Variants in CCDC3 observed in about 807,000 individuals in gnomAD.
CCDC3 encodes coiled-coil domain-containing protein 3.
A neutral mutation model predicts 21.4 loss-of-function variants in CCDC3; 24 were observed. The observed-to-expected ratio is 1.12, with a 90% confidence interval of 0.81 to 1.58. CCDC3 has a LOEUF of 1.58. CCDC3 is among the 40% of genes most tolerant of loss of function. CCDC3 has a pLI of 0.00. For missense variants in CCDC3, 425 were observed against 360.9 expected (o/e 1.18, Z -1.44); for synonymous variants, 186 against 166.0 (o/e 1.12, Z -0.93).
chr10:12,941,325 T>C (rs966009483), intron 2 of CCDC3, among the ~76,000 whole-genome samples: 2 of 152,182 alleles, frequency 1.3e-5, no homozygotes, highest in Non-Finnish European at 2.9e-5. Flanking sequence ...GAAGTAACCA[T>C]AAAAATGGGC....
chr10:13,073,251 C>A (rs1362373153), intron 4 of CCDC3, among the ~76,000 whole-genome samples: 2 of 152,138 alleles, frequency 1.3e-5, no homozygotes, highest in Non-Finnish European at 1.5e-5. Flanking sequence ...ATGGTAGATT[C>A]TTAGTCTTCT....
intron 2 of CCDC3, among the ~76,000 whole-genome samples, chr10:12,930,554 G>A (rs1246391903): frequency 6.6e-6 from 1 of 152,212 alleles, no homozygotes; most frequent in African/African-American, 2.4e-5. Context: ...ATTGACAACT[G>A]TGCTAGCAAA....
At chr10:13,017,527 A>AAAAAAAG (rs1554761885) in intron 5 of CCDC3, among the ~76,000 whole-genome samples, 22 of 148,508 alleles carry the variant, frequency 1.5e-4, no homozygotes, top group South Asian at 1.1e-3. Flanking sequence ...AAAAAAAAAA[A>AAAAAAAG]AAAAGAAAAG....
intron 5 of CCDC3, among the ~76,000 whole-genome samples, chr10:13,009,682 C>G (rs622695): frequency 2.0e-5 from 3 of 152,086 alleles, no homozygotes; most frequent in African/African-American, 7.3e-5. Flanking sequence ...GGAAAAAGAA[C>G]GACCTTTTGA....
chr10:12,956,465 T>C (rs1835087537), intron 2 of CCDC3, among the ~76,000 whole-genome samples: 1 of 152,216 alleles, frequency 6.6e-6, no homozygotes, highest in African/African-American at 2.4e-5. Flanking sequence ...TTCCTACCCA[T>C]GGGACCTCGA....
At chr10:12,918,625 C>T (rs541295018) in intron 2 of CCDC3, among the ~76,000 whole-genome samples, 88 of 152,234 alleles carry the variant, frequency 5.8e-4, no homozygotes, top group South Asian at 1.2e-3. Flanking sequence ...ACTGAAAAAG[C>T]AGGAATGACT....
chr10:13,059,303 C>T (rs1304405072), intron 4 of CCDC3, among the ~76,000 whole-genome samples: 1 of 152,158 alleles, frequency 6.6e-6, no homozygotes, highest in African/African-American at 2.4e-5. Flanking sequence ...TCTCATGCCC[C>T]CATTTCACCT....
At chr10:12,903,732 G>T (rs1204201958) in intron 2 of CCDC3, among the ~76,000 whole-genome samples, 1 of 152,258 alleles carries the variant, frequency 6.6e-6, no homozygotes, top group East Asian at 1.9e-4. Context: ...CAGATGGGAA[G>T]ATTGCCCTGG....
rs900721504 is a variant in CCDC3, at chr10:12,901,817, T to C, written c.550-3138A>G. Among the ~76,000 whole-genome samples, 62 of 152,214 alleles carry C rather than the reference T, an allele frequency of 4.1e-4. 3 individuals carry two copies. Among genetic ancestry groups the C allele is most frequent in the Admixed American group, 2.0e-4 (3 of 15,290 alleles). Reference sequence around the variant, plus strand: ...TCCAGTCTTAGTGTTCTTCCTTCTGTTCCCACATTTTATACCCAAGGCACA... The same window carrying C: ...TCCAGTCTTAGTGTTCTTCCTTCTGCTCCCACATTTTATACCCAAGGCACA... On this transcript the variant is annotated intron_variant, in intron 2 of 2. Transcript: ENST00000378825.
At chr10:12,992,855 G>A (rs1026271786) in intron 2 of CCDC3, among the ~76,000 whole-genome samples, 4 of 152,192 alleles carry the variant, frequency 2.6e-5, no homozygotes, top group African/African-American at 9.7e-5. Flanking sequence ...TAGTAACAGT[G>A]GCTACTTATT....
rs536762394 is a variant in CCDC3 at position 12,914,280 on chromosome 10, C to T, written c.550-15601G>A. Reference sequence around the variant, plus strand: ...CTCATTACTGTTCTGTTCAAATTTTCTGTTTACTCATGACTTAATCATAGT... The same window carrying T: ...CTCATTACTGTTCTGTTCAAATTTTTTGTTTACTCATGACTTAATCATAGT... On this transcript the variant is annotated intron_variant, in intron 2 of 2. Transcript: ENST00000378825. 1.7e-4 allele frequency among the ~76,000 whole-genome samples: 26 copies of T among 152,190 alleles called. No homozygotes were observed. In the South Asian group the frequency reaches 5.4e-3, roughly 32 times the overall value.
chr10:12,936,896 C>T (rs149626241), intron 2 of CCDC3, among the ~76,000 whole-genome samples: 7,058 of 152,278 alleles, frequency 0.046, 203 homozygotes, highest in Non-Finnish European at 0.07. Flanking sequence ...TGCACTCCAG[C>T]CTGGGTGACC....
chr10:12,954,815 A>G (rs919752178), intron 2 of CCDC3, among the ~76,000 whole-genome samples: 4 of 152,234 alleles, frequency 2.6e-5, no homozygotes, highest in African/African-American at 7.2e-5. Flanking sequence ...CAAATGGGAT[A>G]TAACACATAT....
intron 2 of CCDC3, among the ~76,000 whole-genome samples, chr10:12,969,462 C>A (rs934657448): frequency 1.3e-5 from 2 of 151,410 alleles, no homozygotes; most frequent in African/African-American, 4.9e-5. Flanking sequence ...CAACACACAC[C>A]CACAAATTAA....
In CCDC3 at chr10:12,916,721, A is replaced by T. The variant is rs116118864; in HGVS notation, c.550-18042T>A. On this transcript the variant is annotated intron_variant, in intron 2 of 2. Transcript: ENST00000378825. ...AGTGGACCAACCTGGCTCACATCTGATCTGGAACCGGAAGTAAGCCTGAAG... is the reference window on the plus strand; with the variant it reads ...AGTGGACCAACCTGGCTCACATCTGTTCTGGAACCGGAAGTAAGCCTGAAG... Among the ~76,000 whole-genome samples, 955 of 152,206 alleles carry T rather than the reference A, an allele frequency of 6.3e-3. 11 individuals carry two copies. The highest frequency in any genetic ancestry group is 0.021 in the African/African-American group (883 of 41,538).
At chr10:12,917,174 CTTCTTCTTTTT>C (rs1834371127) in intron 2 of CCDC3, among the ~76,000 whole-genome samples, 4 of 109,208 alleles carry the variant, frequency 3.7e-5, no homozygotes, top group Admixed American at 1.1e-4. Flanking sequence ...GTCCTTATTT[CTTCTTCTTTTT>C]TTTTTTTTTT....
At chr10:12,923,684 T>G (rs905918337) in intron 2 of CCDC3, among the ~76,000 whole-genome samples, 1 of 152,206 alleles carries the variant, frequency 6.6e-6, no homozygotes, top group Non-Finnish European at 1.5e-5. Context: ...TTCACCTCCA[T>G]GCACCAGAAT....
chr10:13,038,000 A>C (rs1435314655), intron 5 of CCDC3, among the ~76,000 whole-genome samples: 3 of 152,208 alleles, frequency 2.0e-5, no homozygotes, highest in Non-Finnish European at 4.4e-5. Context: ...AGATTTCAAA[A>C]GAGAAAATGT....
chr10:13,099,130 C>T (rs1266718107), exon 2 of CCDC3: 1 of 152,322 alleles, frequency 6.6e-6, no homozygotes, highest in Admixed American at 6.5e-5. Flanking sequence ...CTACACCACA[C>T]CAACTCGAGG....
Sources: gnomAD v4.1 joint callset for allele counts (sites outside exome capture counted in the v4.1 genomes callset) on GRCh38, gnomAD v4.1.1 for gene constraint, MANE v1.5 for transcripts, NCBI Gene and HGNC (gene_info 2026-07-23, HGNC 2026-07-21) for gene names.